The following PPME1 variants were observed in gnomAD, a reference collection of about 807,000 sequenced individuals.
PPME1 encodes testicular secretory protein Li 39.
Under a neutral mutation model 56.9 loss-of-function variants are expected in PPME1, and 17 were observed. The ratio of observed to expected loss-of-function variants is 0.30; its 90% CI spans 0.20 to 0.45. The LOEUF is 0.45. PPME1 is among the 20% of genes least tolerant of loss of function. The probability of loss-of-function intolerance (pLI) is 1.00; values close to 1 mark genes in which losing one functional copy is unlikely to be tolerated. For synonymous variants in PPME1, 122 were observed against 156.2 expected, an observed-to-expected ratio of 0.78 and a Z score of 1.63; for missense variants, 357 against 483.2, an observed-to-expected ratio of 0.74 and a Z score of 2.45.
Position 74,171,321 on chromosome 11 carries a change from C to G in PPME1, c.-101C>G, listed in dbSNP as rs1256863198. 6 of 1,512,040 alleles carry G rather than the reference C, an allele frequency of 4.0e-6. No homozygotes were observed. In the African/African-American group the frequency reaches 6.9e-5, roughly 17 times the overall value. 93.7% of individuals were successfully genotyped at this position (1,512,040 alleles called of 1,614,324 possible). On this transcript the variant is annotated 5_prime_UTR_variant, in exon 1 of 14. Coordinates refer to ENST00000328257, the MANE Select transcript of PPME1 (RefSeq NM_016147.3). ...GTAGCTGGGTGCTGTCCAAAGGCGACAGGGCGTCGTTAGGGGAGCGAGTCG... is the reference window on the plus strand; with the variant it reads ...GTAGCTGGGTGCTGTCCAAAGGCGAGAGGGCGTCGTTAGGGGAGCGAGTCG...
In PPME1 at chr11:74,171,723, CGTT is replaced by C. The variant is rs577016273; in HGVS notation, c.101+206_101+208del. 1.9e-3 allele frequency among the ~76,000 whole-genome samples: 287 copies of C among 152,088 alleles called. 2 individuals are homozygous for C. Among genetic ancestry groups the C allele is most frequent in the African/African-American group, 6.3e-3 (262 of 41,470 alleles). ...TCAATAGAAATTGGAGGAAAAATAA[CGTT>C]GTTGAAGGGAGAGGGGAATGAGGCA... On this transcript the variant is annotated intron_variant, in intron 1 of 13. Transcript: ENST00000328257.
At chr11:74,223,091 C>G (rs970537674) in intron 4 of PPME1, among the ~76,000 whole-genome samples, 6 of 151,822 alleles carry the variant, frequency 4.0e-5, no homozygotes, top group African/African-American at 1.2e-4. Context: ...ATCCCTCCCC[C>G]CTTCCCCCAC....
chr11:74,231,037 AATTT>A, intron 7 of PPME1, 35 bp downstream of exon 7: 1 of 1,486,076 alleles, frequency 6.7e-7, no homozygotes, highest in South Asian at 1.2e-5. Flanking sequence ...TTATTTAATT[AATTT>A]GTTTGTTTGT....
At position 74,230,677 on chromosome 11, in the gene PPME1, C is replaced by A; in HGVS notation, c.554-235C>A. On this transcript the variant is annotated intron_variant, in intron 6 of 13. Transcript: ENST00000328257. The surrounding 1 kb of genome is among the most constrained non-coding windows in gnomAD (Gnocchi z 4.9). ...AGAAGCTGCCATGTCTTTTCTGACC[C>A]AGCTTCAGAAGTCACACTGCTGCTT... 1.7e-6 allele frequency: 1 copy of A among 595,750 alleles called. No homozygotes were observed. The highest frequency in any genetic ancestry group is 2.9e-6 in the Non-Finnish European group (1 of 344,530). The allele number at this position is 595,750 out of a possible 1,614,324, so 36.9% of individuals were successfully genotyped here. A position where few individuals can be genotyped will look rare whatever the true frequency, so the allele number is the denominator to read the frequency against.
At chr11:74,238,748 A>G (rs541936710) in intron 8 of PPME1, 40 of 156,058 alleles carry the variant, frequency 2.6e-4, no homozygotes, top group South Asian at 1.4e-3. Context: ...TTTTGGAGTT[A>G]GTTGAGCCTG....
At position 74,230,441 on chromosome 11, in the gene PPME1, AAG is replaced by A. The variant is rs1217736063; in HGVS notation, c.553+46_553+47del. The A allele has an allele frequency of 6.3e-7, 1 of 1,594,312 alleles. No homozygotes were observed. Among genetic ancestry groups the A allele is most frequent in the South Asian group, 1.1e-5 (1 of 89,756 alleles). On this transcript the variant is annotated intron_variant, in intron 6 of 13. Coordinates refer to ENST00000328257, the MANE Select transcript of PPME1 (RefSeq NM_016147.3). This position sits in a 1 kb window ranked among gnomAD's most constrained non-coding sequence, Gnocchi z 4.9. ...CTGACCAAATCAGGATTTCACTTAT[AAG>A]AGACATCCTTGGTAGATTATTACCT...
chr11:74,183,600 T>G (rs1456161590), intron 1 of PPME1, among the ~76,000 whole-genome samples: 1 of 152,126 alleles, frequency 6.6e-6, no homozygotes, highest in Non-Finnish European at 1.5e-5. Flanking sequence ...TAGAATGAAT[T>G]CTTTTTTATA....
chr11:74,186,439 A>AC (rs112992666), intron 1 of PPME1, among the ~76,000 whole-genome samples: 15,794 of 152,150 alleles, frequency 0.1, 2,140 homozygotes, highest in African/African-American at 0.32. Flanking sequence ...AGTATTGAAA[A>AC]TGGTAAGGAA....
intron 3 of PPME1, among the ~76,000 whole-genome samples, chr11:74,215,515 A>G (rs1021878968): frequency 4.6e-5 from 7 of 152,216 alleles, no homozygotes; most frequent in African/African-American, 1.7e-4. Context: ...CAAACCAAAA[A>G]CATAACAACA....
intron 1 of PPME1, among the ~76,000 whole-genome samples, chr11:74,201,549 G>T (rs1210660771): frequency 6.6e-6 from 1 of 152,204 alleles, no homozygotes; most frequent in Admixed American, 6.5e-5. Context: ...GGGGTAAAGA[G>T]CAGAGGCTTT....
At chr11:74,215,112 G>C (rs191927980) in intron 3 of PPME1, among the ~76,000 whole-genome samples, 2 of 152,198 alleles carry the variant, frequency 1.3e-5, no homozygotes, top group Non-Finnish European at 2.9e-5. Context: ...TTGGGAGGCC[G>C]AGGTGGACAG....
intron 13 of PPME1, among the ~76,000 whole-genome samples, chr11:74,252,920 C>A (rs2135688493): frequency 6.6e-6 from 1 of 152,344 alleles, no homozygotes. Flanking sequence ...CTAGTCTGTA[C>A]TGCAGAAGGC....
At chr11:74,208,099 G>A (rs968788283) in intron 3 of PPME1, among the ~76,000 whole-genome samples, 3 of 152,024 alleles carry the variant, frequency 2.0e-5, no homozygotes, top group South Asian at 4.2e-4. Context: ...AGATCACAAG[G>A]TCAGGAGATC....
intron 1 of PPME1, among the ~76,000 whole-genome samples, chr11:74,187,343 A>G (rs1372774073): frequency 6.6e-6 from 1 of 152,208 alleles, no homozygotes; most frequent in Non-Finnish European, 1.5e-5. Flanking sequence ...AGTATTGCCA[A>G]CTTAATAATA....
chr11:74,197,795 G>T (rs1858028657), intron 1 of PPME1, among the ~76,000 whole-genome samples: 1 of 152,172 alleles, frequency 6.6e-6, no homozygotes, highest in Non-Finnish European at 1.5e-5. Flanking sequence ...TTCGTAGATA[G>T]GTTTCTTGAA....
chr11:74,204,210 G>A (rs1858259529), intron 2 of PPME1, 143 bp from the exon 3 acceptor site: 1 of 583,706 alleles, frequency 1.7e-6, no homozygotes, highest in South Asian at 2.3e-5. Context: ...CAGAGGGTTA[G>A]TGTCTCAGAA....
chr11:74,182,565 G>C (rs933061360), intron 1 of PPME1, among the ~76,000 whole-genome samples: 1 of 151,874 alleles, frequency 6.6e-6, no homozygotes, highest in African/African-American at 2.4e-5. Context: ...TCACCATGTT[G>C]GTCAGGCTGG....
intron 1 of PPME1, among the ~76,000 whole-genome samples, chr11:74,195,478 C>A (rs1206388655): frequency 2.0e-5 from 3 of 152,120 alleles, no homozygotes; most frequent in Non-Finnish European, 4.4e-5. Flanking sequence ...TATTCTATTA[C>A]CCAGATACAT....
At position 74,219,520 on chromosome 11, in the gene PPME1, G is replaced by C. The variant is rs570788955; in HGVS notation, c.289-2792G>C. 5.9e-5 allele frequency among the ~76,000 whole-genome samples: 9 copies of C among 152,122 alleles called. No homozygotes were observed. The East Asian group carries it at 1.7e-3, about 29-fold the overall frequency. ...TGTCTATCAGTAGATGAATGGATAA[G>C]GAAAATGTGGTACATATACACAAAG... On this transcript the variant is annotated intron_variant, in intron 3 of 13. Coordinates refer to ENST00000328257, the MANE Select transcript of PPME1 (RefSeq NM_016147.3).
Sources: allele counts gnomAD v4.1 joint callset (sites outside exome capture counted in the v4.1 genomes callset), GRCh38; gene constraint gnomAD v4.1.1; non-coding constraint Gnocchi (gnomAD v3.1); transcripts MANE v1.5; gene names NCBI Gene and HGNC (gene_info 2026-07-23, HGNC 2026-07-21).